Variants in RAB3GAP2 observed in about 807,000 individuals in gnomAD.
RAB3GAP2 encodes rab3 GTPase-activating protein non-catalytic subunit.
A neutral mutation model predicts 185.3 loss-of-function variants in RAB3GAP2; 87 were observed. The observed-to-expected ratio is 0.47, with a 90% CI of 0.39 to 0.56. The LOEUF is 0.56. Among genes scored for constraint, RAB3GAP2 ranks in the 20% least tolerant of loss-of-function variants. The probability of loss-of-function intolerance (pLI) is 0.00; values close to 1 mark genes in which losing one functional copy is unlikely to be tolerated. For synonymous variants in RAB3GAP2, 554 were observed against 576.1 expected, an observed-to-expected ratio of 0.96 and a Z score of 0.55; for missense variants, 1,492 against 1,638.2, an observed-to-expected ratio of 0.91 and a Z score of 1.54.
At chr1:220,179,614 T>G (rs1658362869) in intron 21 of RAB3GAP2, among the ~76,000 whole-genome samples, 1 of 152,336 alleles carries the variant, frequency 6.6e-6, no homozygotes, top group South Asian at 2.1e-4. Context: ...ACAGACCATA[T>G]GTTAGCCACA....
chr1:220,164,473 GTTT>G (rs35024056), intron 27 of RAB3GAP2, among the ~76,000 whole-genome samples: 1 of 105,616 alleles, frequency 9.5e-6, no homozygotes, highest in Non-Finnish European at 1.9e-5. Flanking sequence ...TTTTTGTTTT[GTTT>G]TTTTTTTTTT....
At chr1:220,154,134 T>G in intron 31 of RAB3GAP2, 77 bp from the exon 32 acceptor site, 2 of 1,568,436 alleles carry the variant, frequency 1.3e-6, no homozygotes, top group Non-Finnish European at 1.7e-6. Context: ...TGTTTAAAAC[T>G]TAATAATAAC....
intron 24 of RAB3GAP2, among the ~76,000 whole-genome samples, chr1:220,168,371 TG>T (rs1658111169): frequency 6.6e-6 from 1 of 150,786 alleles, no homozygotes; most frequent in African/African-American, 2.4e-5. Context: ...GGATTACAGG[TG>T]TGAGCCACTG....
At chr1:220,198,697 T>C (rs1404225699) in intron 9 of RAB3GAP2, among the ~76,000 whole-genome samples, 1 of 152,214 alleles carries the variant, frequency 6.6e-6, no homozygotes, top group Non-Finnish European at 1.5e-5. Context: ...TGCTACTTAC[T>C]GTAATTACAT....
intron 1 of RAB3GAP2, among the ~76,000 whole-genome samples, chr1:220,257,848 G>C (rs551754514): frequency 2.6e-5 from 4 of 151,874 alleles, no homozygotes; most frequent in African/African-American, 9.7e-5. Flanking sequence ...TAATAAAGAA[G>C]AAAAGAAAGA....
rs566256094 is a variant in RAB3GAP2 at position 220,216,058 on chromosome 1, C to CA, written c.181-2080dup. Among the ~76,000 whole-genome samples, 300 of 151,386 alleles carry CA rather than the reference C, an allele frequency of 2.0e-3. 11 individuals carry two copies. In the East Asian group the frequency reaches 0.051, roughly 26 times the overall value. ...TACCATCAAAGAAATGTTTAAAACACAAAAAAAATATGGGTTACAGGGAAT... is the reference window on the plus strand; with the variant it reads ...TACCATCAAAGAAATGTTTAAAACACAAAAAAAAATATGGGTTACAGGGAAT... On this transcript the variant is annotated intron_variant, in intron 2 of 34. Coordinates refer to ENST00000358951, the MANE Select transcript of RAB3GAP2 (RefSeq NM_012414.4).
At chr1:220,242,716 A>G (rs1659719076) in intron 1 of RAB3GAP2, among the ~76,000 whole-genome samples, 1 of 152,214 alleles carries the variant, frequency 6.6e-6, no homozygotes, top group Admixed American at 6.5e-5. Flanking sequence ...ACCTTGCTAA[A>G]CAACTTTACG....
chr1:220,204,194 T>A (rs926456631), intron 8 of RAB3GAP2, among the ~76,000 whole-genome samples: 11 of 152,280 alleles, frequency 7.2e-5, no homozygotes, highest in African/African-American at 2.6e-4. Flanking sequence ...AATTTTTCTC[T>A]GTCTTTTTTA....
intron 17 of RAB3GAP2, among the ~76,000 whole-genome samples, chr1:220,187,699 G>T (rs139396833): frequency 2.6e-4 from 39 of 152,162 alleles, no homozygotes; most frequent in Middle Eastern, 3.4e-3. Context: ...GGCTTGCCAG[G>T]AGAGGGAATG....
chr1:220,238,622 A>G (rs1182431511), intron 1 of RAB3GAP2, among the ~76,000 whole-genome samples: 1 of 152,134 alleles, frequency 6.6e-6, no homozygotes, highest in Non-Finnish European at 1.5e-5. Context: ...CCACTCTCCA[A>G]ATACAACATT....
intron 9 of RAB3GAP2, among the ~76,000 whole-genome samples, chr1:220,198,961 T>C (rs1223649232): frequency 6.6e-6 from 1 of 152,186 alleles, no homozygotes; most frequent in Non-Finnish European, 1.5e-5. Context: ...GCTAAAGTTT[T>C]CCAGGCAGAG....
At chr1:220,234,520 C>T (rs1382130489) in intron 1 of RAB3GAP2, among the ~76,000 whole-genome samples, 1 of 152,214 alleles carries the variant, frequency 6.6e-6, no homozygotes, top group East Asian at 1.9e-4. Flanking sequence ...TAAAATAGCA[C>T]TATCATTTGA....
intron 1 of RAB3GAP2, among the ~76,000 whole-genome samples, chr1:220,244,169 C>G (rs1659754909): frequency 6.6e-6 from 1 of 152,140 alleles, no homozygotes; most frequent in Non-Finnish European, 1.5e-5. Context: ...AAAGATGCAT[C>G]CAAAAGGCCC....
rs527453630 is a variant in RAB3GAP2, at chr1:220,149,333, A to G, written c.*1918T>C. ...CTTCAGCTTATTATTGTTCTCAGCA[A>G]TCCCCAGATTTGATTGTCTGTTCTA... is the stretch of plus-strand genomic sequence containing the variant. On this transcript the variant is annotated 3_prime_UTR_variant, in exon 35 of 35. Transcript: ENST00000358951. 4 of 152,256 alleles carry G rather than the reference A, an allele frequency of 2.6e-5. 1 individual carries two copies. The South Asian group carries it at 8.3e-4, about 32-fold the overall frequency. The allele number at this position is 152,256 out of a possible 1,614,324, so 9.4% of individuals were successfully genotyped here.
rs372184937 is a variant in RAB3GAP2 at position 220,262,306 on chromosome 1, A to AAAAC, written c.115+9913_115+9916dup. Among the ~76,000 whole-genome samples the AAAAC allele has an allele frequency of 1.4e-3, 216 of 151,960 alleles. 1 individual carries two copies. The highest frequency in any genetic ancestry group is 5.4e-3 in the East Asian group (28 of 5,178). On this transcript the variant is annotated intron_variant, in intron 1 of 34. Coordinates refer to ENST00000358951, the MANE Select transcript of RAB3GAP2 (RefSeq NM_012414.4). ...ACAGAGCAAGACTCTGTCTCAAGAA[A>AAAAC]AAACAAACAAACAAACAAACAAACA...
intron 2 of RAB3GAP2, among the ~76,000 whole-genome samples, chr1:220,226,479 A>G (rs866785520): frequency 2.0e-5 from 3 of 151,840 alleles, no homozygotes; most frequent in African/African-American, 7.3e-5. Flanking sequence ...TTATAGGATC[A>G]TCAGTCAGCA....
Position 220,249,236 on chromosome 1 carries a change from G to C in RAB3GAP2, c.116-16373C>G, listed in dbSNP as rs75875473. On this transcript the variant is annotated intron_variant, in intron 1 of 34. Transcript: ENST00000358951. ...TCAGAAGACAGGAAGAGGTGGGAAAGTTTGGAACTCCCTAAAGACTTGTTG... is the reference window on the plus strand; with the variant it reads ...TCAGAAGACAGGAAGAGGTGGGAAACTTTGGAACTCCCTAAAGACTTGTTG... Among the ~76,000 whole-genome samples the C allele has an allele frequency of 8.6e-3, 1,307 of 152,266 alleles. 17 individuals are homozygous for C. The highest frequency in any genetic ancestry group is 0.03 in the African/African-American group (1,255 of 41,558).
intron 13 of RAB3GAP2, 56 bp from the exon 14 acceptor site, chr1:220,191,340 T>C (rs1394089780): frequency 6.5e-6 from 4 of 614,980 alleles, no homozygotes; most frequent in East Asian, 7.3e-5. Context: ...CATAGTAGCC[T>C]CCTGAAGTAC....
chr1:220,156,202 T>C (rs556265157), intron 31 of RAB3GAP2, among the ~76,000 whole-genome samples: 2 of 152,260 alleles, frequency 1.3e-5, no homozygotes, highest in East Asian at 3.9e-4. Flanking sequence ...CTGCCCACCT[T>C]GTCTTCCCAA....
Sources: allele counts gnomAD v4.1 joint callset (sites outside exome capture counted in the v4.1 genomes callset), GRCh38; gene constraint gnomAD v4.1.1; transcripts MANE v1.5; gene names NCBI Gene and HGNC (gene_info 2026-07-23, HGNC 2026-07-21).